DPP10: variants seen among roughly 807,000 people sequenced by gnomAD.
The protein encoded by DPP10 is dipeptidyl peptidase like 10.
Under a neutral mutation model 120.9 loss-of-function variants are expected in DPP10, and 33 were observed. The observed-to-expected ratio is 0.27, with a 90% CI of 0.21 to 0.37. DPP10 has a LOEUF of 0.37. Among genes scored for constraint, DPP10 ranks in the 10% least tolerant of loss-of-function variants. The pLI, the probability that DPP10 is intolerant of heterozygous loss-of-function variation, is 1.00. For synonymous variants in DPP10, 337 were observed against 326.1 expected, an observed-to-expected ratio of 1.03 and a Z score of -0.36; for missense variants, 816 against 942.8, an observed-to-expected ratio of 0.87 and a Z score of 1.76.
chr2:115,374,840 G>A (rs904441419), intron 3 of DPP10, among the ~76,000 whole-genome samples: 3 of 152,214 alleles, frequency 2.0e-5, no homozygotes, highest in African/African-American at 2.4e-5. Flanking sequence ...GTGCTGGGAT[G>A]TAGGGTGCCA....
At chr2:115,014,153 C>T (rs1357967415) in intron 1 of DPP10, among the ~76,000 whole-genome samples, 4 of 152,134 alleles carry the variant, frequency 2.6e-5, no homozygotes, top group Non-Finnish European at 5.9e-5. Context: ...TCTCTCACAC[C>T]GCAGTGCAAT....
intron 1 of DPP10, among the ~76,000 whole-genome samples, chr2:114,476,290 A>C (rs1427621158): frequency 6.6e-6 from 1 of 152,184 alleles, no homozygotes; most frequent in Non-Finnish European, 1.5e-5. Context: ...TATCAGGCTC[A>C]ATTATTTTAG....
intron 3 of DPP10, among the ~76,000 whole-genome samples, chr2:115,410,714 A>G (rs13016837): frequency 0.49 from 74,694 of 152,014 alleles, 20,274 homozygotes; most frequent in Non-Finnish European, 0.63. Flanking sequence ...CATTGGGTGC[A>G]GTTTACACTG....
intron 1 of DPP10, among the ~76,000 whole-genome samples, chr2:114,597,423 A>G (rs982003585): frequency 1.3e-5 from 2 of 152,046 alleles, no homozygotes; most frequent in African/African-American, 2.4e-5. Flanking sequence ...CAGAGTAAAT[A>G]TAGGACATCA....
intron 1 of DPP10, among the ~76,000 whole-genome samples, chr2:114,508,948 G>A (rs942484133): frequency 1.3e-5 from 2 of 151,994 alleles, no homozygotes; most frequent in Non-Finnish European, 2.9e-5. Flanking sequence ...AGCTAGGATG[G>A]GCAATTTGAG....
intron 1 of DPP10, among the ~76,000 whole-genome samples, chr2:114,593,118 C>A (rs1404814552): frequency 6.6e-6 from 1 of 152,160 alleles, no homozygotes; most frequent in African/African-American, 2.4e-5. Context: ...CAACTTCATT[C>A]CCCAAACCAC....
intron 3 of DPP10, among the ~76,000 whole-genome samples, chr2:115,350,908 C>CT: frequency 6.6e-6 from 1 of 152,100 alleles, no homozygotes; most frequent in East Asian, 1.9e-4. Flanking sequence ...AAGAGAATGC[C>CT]TATATGGTGT....
intron 1 of DPP10, among the ~76,000 whole-genome samples, chr2:114,590,083 T>A (rs1273867226): frequency 6.6e-6 from 1 of 152,130 alleles, no homozygotes; most frequent in Admixed American, 6.6e-5. Context: ...AAAAAATGTA[T>A]GTGCATATAT....
chr2:114,467,246 A>T (rs1245236159), intron 1 of DPP10, among the ~76,000 whole-genome samples: 3 of 152,172 alleles, frequency 2.0e-5, no homozygotes, highest in Non-Finnish European at 2.9e-5. Flanking sequence ...GGAATTGCAA[A>T]CTCAATTGCT....
intron 3 of DPP10, among the ~76,000 whole-genome samples, chr2:115,438,461 GC>G (rs1244930944): frequency 6.6e-6 from 1 of 152,068 alleles, no homozygotes; most frequent in Non-Finnish European, 1.5e-5. Flanking sequence ...ACTCTCAGTA[GC>G]CCCCCACTCC....
At chr2:115,076,592 G>A (rs935868082) in intron 1 of DPP10, among the ~76,000 whole-genome samples, 4 of 152,050 alleles carry the variant, frequency 2.6e-5, no homozygotes, top group African/African-American at 9.7e-5. Context: ...ATAGCACTAC[G>A]TGTACATTAC....
rs543594985 is a variant in DPP10, at chr2:115,426,629, G to T, written c.272-72881G>T. Among the ~76,000 whole-genome samples the T allele has an allele frequency of 9.3e-5, 14 of 151,116 alleles. No individual in the cohort carries two copies. In the South Asian group the frequency reaches 2.9e-3, roughly 32 times the overall value. On this transcript the variant is annotated intron_variant, in intron 3 of 25. Transcript: ENST00000410059. ...CATTTCAACATGAGATTCTCACCAGGTGCCACCTCCGACGCTGGAGATGAC... is the reference window on the plus strand; with the variant it reads ...CATTTCAACATGAGATTCTCACCAGTTGCCACCTCCGACGCTGGAGATGAC...
intron 1 of DPP10, among the ~76,000 whole-genome samples, chr2:115,081,950 T>C (rs797018109): frequency 9.2e-5 from 14 of 152,294 alleles, no homozygotes; most frequent in African/African-American, 3.1e-4. Context: ...TGCTAGGAAA[T>C]CAAATACCTT....
chr2:115,331,312 G>T (rs1197148701), intron 2 of DPP10, among the ~76,000 whole-genome samples: 1 of 152,162 alleles, frequency 6.6e-6, no homozygotes, highest in African/African-American at 2.4e-5. Context: ...TCAGCTTAAG[G>T]AGATTTTGGG....
At chr2:115,219,791 T>C (rs1012610330) in intron 1 of DPP10, among the ~76,000 whole-genome samples, 2 of 152,224 alleles carry the variant, frequency 1.3e-5, no homozygotes, top group Non-Finnish European at 2.9e-5. Flanking sequence ...TGATTGCAGC[T>C]GACTGCAAAT....
intron 3 of DPP10, among the ~76,000 whole-genome samples, chr2:115,448,686 T>A (rs2072839434): frequency 6.6e-6 from 1 of 152,136 alleles, no homozygotes; most frequent in Non-Finnish European, 1.5e-5. Context: ...TAATAAATAT[T>A]TATTGAATGA....
chr2:115,662,427 G>GT (rs1191662782), intron 5 of DPP10, among the ~76,000 whole-genome samples: 2 of 125,024 alleles, frequency 1.6e-5, no homozygotes, highest in Non-Finnish European at 3.3e-5. Context: ...TTTTATTTTT[G>GT]TTTTTTATTT....
intron 1 of DPP10, among the ~76,000 whole-genome samples, chr2:115,148,363 T>C (rs1197728129): frequency 6.6e-6 from 1 of 152,122 alleles, no homozygotes; most frequent in Non-Finnish European, 1.5e-5. Context: ...GAGATGAGGA[T>C]CTCAGTGACA....
chr2:115,390,323 T>G (rs1408092380), intron 3 of DPP10, among the ~76,000 whole-genome samples: 3 of 152,162 alleles, frequency 2.0e-5, no homozygotes, highest in Non-Finnish European at 2.9e-5. Context: ...ACTGGGATAT[T>G]TTTAGTCAAT....
Sources: allele counts gnomAD v4.1 joint callset (sites outside exome capture counted in the v4.1 genomes callset), GRCh38; gene constraint gnomAD v4.1.1; transcripts MANE v1.5; gene names NCBI Gene and HGNC (gene_info 2026-07-23, HGNC 2026-07-21).